SV2C: variants seen among roughly 807,000 people sequenced by gnomAD.
The protein encoded by SV2C is synaptic vesicle glycoprotein 2C.
In SV2C, 49 loss-of-function variants were observed where a neutral mutation model predicts 79.7. The observed-to-expected ratio is 0.61, with a 90% CI of 0.49 to 0.78. SV2C has a LOEUF of 0.78. Among genes scored for constraint, SV2C ranks in the 30% least tolerant of loss-of-function variants. The pLI, the probability that SV2C is intolerant of heterozygous loss-of-function variation, is 0.00. For synonymous variants in SV2C, 334 were observed against 333.2 expected, an observed-to-expected ratio of 1.00 and a Z score of -0.03; for missense variants, 833 against 912.9, an observed-to-expected ratio of 0.91 and a Z score of 1.13.
chr5:76,068,950 T>C, the SV2C span, among the ~76,000 whole-genome samples: 11 of 152,088 alleles, frequency 7.2e-5, no homozygotes, highest in Non-Finnish European at 1.3e-4. Context: ...TGCATCAGTG[T>C]AATTAATACC....
the SV2C span, among the ~76,000 whole-genome samples, chr5:76,041,967 C>T: frequency 1.3e-5 from 2 of 152,152 alleles, no homozygotes; most frequent in Non-Finnish European, 2.9e-5. Context: ...GCTTTGCCTT[C>T]TCACCCACAG....
At position 76,235,198 on chromosome 5, in the gene SV2C, G is replaced by A. The variant is rs933630083; in HGVS notation, c.913+25311G>A. ...AAAAGGGCAAAAAAAAAAAAAAAAG[G>A]AAGTAAAGTAGTGATGAGACATTTA... is the stretch of plus-strand genomic sequence containing the variant. On this transcript the variant is annotated intron_variant, in intron 4 of 12. Transcript: ENST00000502798. Among the ~76,000 whole-genome samples the A allele has an allele frequency of 2.4e-4, 34 of 139,530 alleles. 1 individual carries two copies. Among genetic ancestry groups the A allele is most frequent in the African/African-American group, 8.1e-4 (31 of 38,134 alleles). The allele number at this position is 139,530 out of a possible 152,430, so 91.5% of individuals were successfully genotyped here.
At chr5:75,903,325 C>A in the SV2C span, among the ~76,000 whole-genome samples, 11 of 150,908 alleles carry the variant, frequency 7.3e-5, no homozygotes, top group Admixed American at 5.3e-4. Context: ...TGATAGGACC[C>A]TTGAGTGTTG....
chr5:76,156,186 A>G (rs1742721153), intron 2 of SV2C, among the ~76,000 whole-genome samples: 1 of 152,100 alleles, frequency 6.6e-6, no homozygotes, highest in African/African-American at 2.4e-5. Context: ...ACATATACCC[A>G]TAGCAATCAA....
At chr5:75,955,112 G>A in the SV2C span, among the ~76,000 whole-genome samples, 1 of 148,636 alleles carries the variant, frequency 6.7e-6, no homozygotes, top group Non-Finnish European at 1.5e-5. Context: ...AAAGAACAAA[G>A]CTGGAGGCAT....
Position 76,330,523 on chromosome 5 carries a change from C to G in SV2C, c.*4976C>G, listed in dbSNP as rs31268. The G allele has an allele frequency of 0.17, 25,531 of 150,922 alleles. 3,163 individuals carry two copies. Among genetic ancestry groups the G allele is most frequent in the East Asian group, 0.34 (1,747 of 5,116 alleles). 9.3% of individuals were successfully genotyped at this position (150,922 alleles called of 1,614,324 possible). The stretch of plus-strand genomic sequence containing the variant: ...GGAAAACAGAATGAGAGAAGACACT[C>G]TCACACTGACCCCCATTACATGTGA... On this transcript the variant is annotated 3_prime_UTR_variant, in exon 13 of 13. Coordinates refer to ENST00000502798, the MANE Select transcript of SV2C (RefSeq NM_014979.4).
At chr5:76,221,328 A>T (rs1296855116) in intron 4 of SV2C, among the ~76,000 whole-genome samples, 1 of 152,146 alleles carries the variant, frequency 6.6e-6, no homozygotes, top group East Asian at 1.9e-4. Context: ...CAGCACTCAG[A>T]CCCAAAGAAA....
chr5:75,888,903 C>A, the SV2C span, among the ~76,000 whole-genome samples: 1 of 152,010 alleles, frequency 6.6e-6, no homozygotes, highest in African/African-American at 2.4e-5. Context: ...ACAGAAATTT[C>A]TTTCCTCACA....
the SV2C span, among the ~76,000 whole-genome samples, chr5:76,071,772 A>G: frequency 1.3e-5 from 2 of 152,254 alleles, no homozygotes; most frequent in African/African-American, 4.8e-5. Flanking sequence ...GCTGAGTGTT[A>G]GAACACTAAT....
intron 4 of SV2C, among the ~76,000 whole-genome samples, chr5:76,267,272 G>A (rs1034261273): frequency 6.6e-6 from 1 of 152,170 alleles, no homozygotes; most frequent in African/African-American, 2.4e-5. Flanking sequence ...AAACTTTACA[G>A]ATGTGTGGGT....
intron 4 of SV2C, among the ~76,000 whole-genome samples, chr5:76,239,974 A>G (rs1745732188): frequency 6.6e-6 from 1 of 152,162 alleles, no homozygotes; most frequent in Non-Finnish European, 1.5e-5. Flanking sequence ...AGTCAGAAAA[A>G]ATATTTTCCT....
At chr5:75,978,958 G>T in the SV2C span, among the ~76,000 whole-genome samples, 1 of 151,928 alleles carries the variant, frequency 6.6e-6, no homozygotes, top group African/African-American at 2.4e-5. Flanking sequence ...CTCCAGCCTG[G>T]GCAACAAAGC....
At chr5:76,298,746 G>C (rs924907013) in intron 9 of SV2C, 48 bp from the exon 10 acceptor site, 15 of 1,598,016 alleles carry the variant, frequency 9.4e-6, no homozygotes, top group Non-Finnish European at 1.2e-5. Context: ...TTTGAACTTT[G>C]ATGGACACAG....
the SV2C span, among the ~76,000 whole-genome samples, chr5:75,997,939 C>T: frequency 1.3e-5 from 2 of 151,880 alleles, no homozygotes; most frequent in Non-Finnish European, 2.9e-5. Context: ...TTGGAACCAA[C>T]CCAAATGTCC....
the SV2C span, among the ~76,000 whole-genome samples, chr5:75,872,236 T>G: frequency 2.0e-5 from 3 of 151,338 alleles, no homozygotes; most frequent in East Asian, 3.9e-4. Context: ...ATTGCTAAAT[T>G]TATTAGGTAA....
intron 4 of SV2C, among the ~76,000 whole-genome samples, chr5:76,260,086 C>T (rs1009847815): frequency 4.6e-5 from 7 of 152,196 alleles, no homozygotes; most frequent in African/African-American, 1.7e-4. Context: ...TGCTATTTCT[C>T]CACATCCTCT....
chr5:76,161,833 G>A (rs1742905833), intron 2 of SV2C, among the ~76,000 whole-genome samples: 1 of 152,190 alleles, frequency 6.6e-6, no homozygotes, highest in South Asian at 2.1e-4. Flanking sequence ...TTGACTGCTT[G>A]TGTTGTAAAG....
chr5:75,897,227 T>C, the SV2C span, among the ~76,000 whole-genome samples: 1 of 151,512 alleles, frequency 6.6e-6, no homozygotes, highest in South Asian at 2.1e-4. Context: ...CTTTAATCCA[T>C]CTTGAATTAA....
chr5:76,294,548 C>T (rs150152486), intron 8 of SV2C, among the ~76,000 whole-genome samples: 1,963 of 152,280 alleles, frequency 0.013, 30 homozygotes, highest in Middle Eastern at 0.058. Context: ...GATCTGCCTG[C>T]CTCGGCCTCC....
Sources: gnomAD v4.1 joint callset for allele counts (sites outside exome capture counted in the v4.1 genomes callset) on GRCh38, gnomAD v4.1.1 for gene constraint, MANE v1.5 for transcripts, NCBI Gene and HGNC (gene_info 2026-07-23, HGNC 2026-07-21) for gene names.